AKR1B1: variants seen among roughly 807,000 people sequenced by gnomAD.
AKR1B1 encodes aldo-keto reductase family 1 member B, also known as aldo-keto reductase family 1 member B1.
In AKR1B1, 22 loss-of-function variants were observed where a neutral mutation model predicts 40.4. That is an observed-to-expected ratio of 0.54 (90% confidence interval 0.39 to 0.78). The LOEUF is 0.78. Among genes scored for constraint, AKR1B1 ranks in the 30% least tolerant of loss-of-function variants. The pLI is 0.00. For missense variants in AKR1B1, 357 were observed against 396.7 expected, an observed-to-expected ratio of 0.90 and a Z score of 0.85; for synonymous variants, 157 against 149.9, an observed-to-expected ratio of 1.05 and a Z score of -0.35.
intron 3 of AKR1B1, 37 bp downstream of exon 3, chr7:134,450,749 G>C (rs1355893663): frequency 1.3e-6 from 2 of 1,544,318 alleles, no homozygotes; most frequent in Non-Finnish European, 1.8e-6. Flanking sequence ...TTGCACCTGA[G>C]CCCCAAGGGA....
At position 134,451,734 on chromosome 7, in the gene AKR1B1, G is replaced by A. The variant is rs371350653; in HGVS notation, c.86C>T (p.Thr29Ile). Residue 29 changes from threonine (T) to isoleucine (I), a missense_variant, in exon 2 of 10, where the codon ACT (threonine) becomes ATT (isoleucine). Physicochemically the swap from Thr to Ile is moderately conservative, Grantham distance 89 (BLOSUM62 -1). Coordinates refer to ENST00000285930, the MANE Select transcript of AKR1B1 (RefSeq NM_001628.4). ...GTWKSPPGQV[T>I]EAVKVAIDVG... is the part of the protein sequence containing the mutation. ...GTCAATGGCCACCTTCACGGCCTCA[G>A]TCACCTGCCCTGGAGGGGACTGAAA... 166 of 1,614,004 alleles carry A rather than the reference G, an allele frequency of 1.0e-4. No homozygotes were observed. The highest frequency in any genetic ancestry group is 1.3e-4 in the Non-Finnish European group (148 of 1,180,028).
At chr7:134,449,447 C>T (rs1016521955) in intron 4 of AKR1B1, 29 of 565,898 alleles carry the variant, frequency 5.1e-5, no homozygotes, top group Non-Finnish European at 6.0e-5. Context: ...ATTAGCCGGG[C>T]GTGGTGGCGG....
chr7:134,459,051 A>T lies in AKR1B1; in HGVS notation c.12T>A (p.Arg4=). 1.2e-6 allele frequency: 2 copies of T among 1,605,892 alleles called. No individual in the cohort carries two copies. The highest frequency in any genetic ancestry group is 1.7e-6 in the Non-Finnish European group (2 of 1,176,902). MAS[R]LLLNNGAKMP... is the part of the protein sequence containing the mutation. ...TCTTGGCGCCGTTGTTGAGCAGGAG[A>T]CGGCTTGCCATGGCTGCTGCGCTCC... Residue 4 remains arginine (R), a synonymous_variant, in exon 1 of 10, where the codon CGT becomes CGA. Transcript: ENST00000285930.
chr7:134,443,087 C>A (rs112218936), intron 9 of AKR1B1, among the ~76,000 whole-genome samples: 40 of 152,258 alleles, frequency 2.6e-4, no homozygotes, highest in African/African-American at 7.9e-4. Flanking sequence ...GCTGGCAGGA[C>A]CAGACAGTAT....
At chr7:134,459,142 C>G, upstream of AKR1B1, 15 of 1,514,028 alleles carry the variant, frequency 9.9e-6, no homozygotes, top group Non-Finnish European at 1.3e-5. Context: ...CCCGTGAGGT[C>G]GGCAGAAAGG....
At chr7:134,445,446 G>T (rs1806065244) in intron 8 of AKR1B1, 126 bp from the exon 9 acceptor site, 1 of 791,214 alleles carries the variant, frequency 1.3e-6, no homozygotes, top group South Asian at 1.5e-5. Flanking sequence ...CTGAACTTAG[G>T]AAAAGCTGAT....
At chr7:134,442,865 A>G (rs1805981007) in intron 9 of AKR1B1, 95 bp from the exon 10 acceptor site, 1 of 1,228,510 alleles carries the variant, frequency 8.1e-7, no homozygotes, top group East Asian at 2.5e-5. Context: ...CACTGAAGAA[A>G]TAAAATAGAA....
In AKR1B1 at chr7:134,449,029, G is replaced by A. The variant is rs905427503; in HGVS notation, c.520C>T (p.Pro174Ser). The A allele has an allele frequency of 6.2e-7, 1 of 1,614,112 alleles. No individual in the cohort carries two copies. The highest frequency in any genetic ancestry group is 1.7e-5 in the Admixed American group (1 of 60,016). Reference protein sequence around the residue: ...HLQVEMILNKPGLKYKPAVNQ... With the variant: ...HLQVEMILNKSGLKYKPAVNQ... The stretch of plus-strand genomic sequence containing the variant: ...ACTGCAGGCTTATACTTCAAGCCAG[G>A]TTTGTTTAAGATCATCTCCACCTGG... The change falls in exon 5 of 10, where the codon CCT (proline) becomes TCT (serine). Residue 174 changes from proline (P) to serine (S), a missense_variant. Physicochemically the swap from Pro to Ser is moderately conservative, Grantham distance 74. Transcript: ENST00000285930.
At chr7:134,459,115 C>CG, upstream of AKR1B1, 7 of 1,565,026 alleles carry the variant, frequency 4.5e-6, no homozygotes, top group Non-Finnish European at 6.1e-6. Flanking sequence ...TTGGCCGCGG[C>CG]GCGTACCTTT....
At position 134,450,952 on chromosome 7, in the gene AKR1B1, T is replaced by G. The variant is rs374449372; in HGVS notation, c.235-50A>C. 4.3e-5 allele frequency: 64 copies of G among 1,498,220 alleles called. No individual in the cohort carries two copies. In the African/African-American group the frequency reaches 8.0e-4, roughly 19 times the overall value. 92.8% of individuals were successfully genotyped at this position (1,498,220 alleles called of 1,614,324 possible). On this transcript the variant is annotated intron_variant, in intron 2 of 9. Transcript: ENST00000285930. ...CATCATTGCCAGCCACAAGGCAGCT[T>G]CCTGGCTGGAAAGACAGAGCAGTCT...
chr7:134,444,341 G>C (rs1716069259), intron 9 of AKR1B1, among the ~76,000 whole-genome samples: 1 of 152,256 alleles, frequency 6.6e-6, no homozygotes, highest in Admixed American at 6.5e-5. Flanking sequence ...AGCAGGGCCA[G>C]AGTTATTGTC....
intron 3 of AKR1B1, among the ~76,000 whole-genome samples, chr7:134,450,400 G>A (rs1048841417): frequency 2.0e-5 from 3 of 152,214 alleles, no homozygotes; most frequent in Non-Finnish European, 4.4e-5. Flanking sequence ...AGGGACTCAT[G>A]TGTATGGGGG....
chr7:134,445,581 A>G (rs1806068064), intron 8 of AKR1B1, among the ~76,000 whole-genome samples: 1 of 152,226 alleles, frequency 6.6e-6, no homozygotes, highest in Non-Finnish European at 1.5e-5. Flanking sequence ...AACACTACTG[A>G]GCACTTCTAT....
chr7:134,452,359 G>A (rs1022999007), intron 1 of AKR1B1, among the ~76,000 whole-genome samples: 1 of 152,182 alleles, frequency 6.6e-6, no homozygotes, highest in East Asian at 1.9e-4. Flanking sequence ...TGCTTCAAGG[G>A]GTGGAGACAC....
chr7:134,458,526 C>A (rs1258627368), intron 1 of AKR1B1, among the ~76,000 whole-genome samples: 1 of 152,206 alleles, frequency 6.6e-6, no homozygotes, highest in African/African-American at 2.4e-5. Flanking sequence ...ACAAGTGAGG[C>A]AACCGGGCTA....
In AKR1B1 at chr7:134,442,480, A is replaced by AG; in HGVS notation, c.*247dup. The AG allele has an allele frequency of 2.3e-6, 1 of 439,236 alleles. No homozygotes were observed. The highest frequency in any genetic ancestry group is 3.7e-5 in the East Asian group (1 of 26,960). 27.2% of individuals were successfully genotyped at this position (439,236 alleles called of 1,614,324 possible). A position where few individuals can be genotyped will look rare whatever the true frequency, so the allele number is the denominator to read the frequency against. On this transcript the variant is annotated 3_prime_UTR_variant, in exon 10 of 10. Coordinates refer to ENST00000285930, the MANE Select transcript of AKR1B1 (RefSeq NM_001628.4). ...TGGTAGATTTTGCTTCTCTTTGGTC[A>AG]GAAAAGGGTATTCAGGTTGTACTTT...
At chr7:134,448,315 C>A in intron 6 of AKR1B1, 72 bp downstream of exon 6, 1 of 1,358,536 alleles carries the variant, frequency 7.4e-7, no homozygotes, top group Non-Finnish European at 1.0e-6. Context: ...TTCCTTGAGG[C>A]TGAATTGTTC....
intron 1 of AKR1B1, among the ~76,000 whole-genome samples, chr7:134,457,084 A>G (rs1014534584): frequency 6.6e-6 from 1 of 151,870 alleles, no homozygotes; most frequent in Non-Finnish European, 1.5e-5. Context: ...GCTACAGTGA[A>G]TCATGATCAT....
At chr7:134,442,798 CT>C (rs900109582) in intron 9 of AKR1B1, 28 bp from the exon 10 acceptor site, 4 of 1,611,820 alleles carry the variant, frequency 2.5e-6, no homozygotes, top group East Asian at 4.5e-5. Flanking sequence ...AAAACAGTTG[CT>C]TTTTGAAGAG....
Sources: allele counts gnomAD v4.1 joint callset (sites outside exome capture counted in the v4.1 genomes callset), GRCh38; gene constraint gnomAD v4.1.1; transcripts MANE v1.5; gene names NCBI Gene and HGNC (gene_info 2026-07-23, HGNC 2026-07-21).